Variants in CUBN observed in about 807,000 individuals in gnomAD.
The protein encoded by CUBN is cubilin, also known as 460 kDa receptor.
A neutral mutation model predicts 405.3 loss-of-function variants in CUBN; 282 were observed. That is an observed-to-expected ratio of 0.70 (90% CI 0.63 to 0.77). CUBN has a LOEUF of 0.77. CUBN is among the 30% of genes least tolerant of loss of function. The pLI is 0.00. For synonymous variants in CUBN, 1,684 were observed against 1,617.0 expected, an observed-to-expected ratio of 1.04 and a Z score of -0.99; for missense variants, 4,514 against 4,475.2, an observed-to-expected ratio of 1.01 and a Z score of -0.25.
chr10:16,863,616 T>A (rs1840080128), intron 59 of CUBN, among the ~76,000 whole-genome samples: 1 of 152,200 alleles, frequency 6.6e-6, no homozygotes, highest in African/African-American at 2.4e-5. Flanking sequence ...TGTTTAGCTA[T>A]TTTAGAATGC....
At chr10:16,886,275 A>G (rs879835207) in intron 56 of CUBN, among the ~76,000 whole-genome samples, 1 of 152,254 alleles carries the variant, frequency 6.6e-6, no homozygotes, top group Non-Finnish European at 1.5e-5. Context: ...AAGCTTTGTT[A>G]AATTTATCCA....
intron 17 of CUBN, among the ~76,000 whole-genome samples, chr10:17,073,444 C>CTT (rs11349387): frequency 0.02 from 2,185 of 109,730 alleles, 76 homozygotes; most frequent in Non-Finnish European, 0.03. Context: ...ATAACCAGCT[C>CTT]TTTTTTTTTT....
At chr10:17,013,196 T>C (rs1834230463) in intron 28 of CUBN, among the ~76,000 whole-genome samples, 1 of 152,184 alleles carries the variant, frequency 6.6e-6, no homozygotes, top group Admixed American at 6.5e-5. Context: ...CCTTTGTCTC[T>C]TCCTCTCTTT....
chr10:16,922,063 T>C (rs979596171), intron 43 of CUBN, among the ~76,000 whole-genome samples: 1 of 152,138 alleles, frequency 6.6e-6, no homozygotes, highest in African/African-American at 2.4e-5. Context: ...CCTTTCACCA[T>C]ATGGCATATT....
intron 8 of CUBN, among the ~76,000 whole-genome samples, 181 bp downstream of exon 8, chr10:17,113,846 C>T (rs1024136844): frequency 2.0e-5 from 3 of 152,206 alleles, no homozygotes; most frequent in Non-Finnish European, 2.9e-5. Flanking sequence ...TTTGGACAAG[C>T]CTCCCCCTTT....
chr10:16,895,382 C>CAT (rs766807427), intron 54 of CUBN, among the ~76,000 whole-genome samples: 2 of 149,272 alleles, frequency 1.3e-5, no homozygotes, highest in Admixed American at 6.6e-5. Context: ...CACACACACA[C>CAT]ATATATATGT....
At chr10:16,847,246 A>T (rs1383146840) in intron 60 of CUBN, among the ~76,000 whole-genome samples, 1 of 152,210 alleles carries the variant, frequency 6.6e-6, no homozygotes, top group African/African-American at 2.4e-5. Context: ...AGGTCAGGAC[A>T]TCGAGACCAT....
At chr10:16,922,449 C>A (rs2131472451) in intron 43 of CUBN, among the ~76,000 whole-genome samples, 1 of 152,250 alleles carries the variant, frequency 6.6e-6, no homozygotes, top group South Asian at 2.1e-4. Context: ...TCCCCATCTC[C>A]AATGTTTTCA....
rs183094564 is a variant in CUBN at position 16,881,778 on chromosome 10, C to T, written c.8906-4681G>A. On this transcript the variant is annotated intron_variant, in intron 56 of 66. Coordinates refer to ENST00000377833, the MANE Select transcript of CUBN (RefSeq NM_001081.4). ...AGAAGCTGGTAAAATTAGCTAAAGT[C>T]TAAGAAAATATAAAAAATTAACATC... 4.0e-3 allele frequency among the ~76,000 whole-genome samples: 605 copies of T among 151,972 alleles called. 4 individuals are homozygous for T. Among genetic ancestry groups the T allele is most frequent in the Middle Eastern group, 6.8e-3 (2 of 292 alleles).
At position 16,824,101 on chromosome 10, in the gene CUBN, G is replaced by A. The variant is rs1838702735; in HGVS notation, c.*874C>T. On this transcript the variant is annotated 3_prime_UTR_variant, in exon 67 of 67. Coordinates refer to ENST00000377833, the MANE Select transcript of CUBN (RefSeq NM_001081.4). ...GTCTCAGTCTGTCACCCAGGCTGGA[G>A]TACAGTGGTTAATTCACAGGGTTTC... 1 of 152,180 alleles carries A rather than the reference G, an allele frequency of 6.6e-6. No individual in the cohort carries two copies. The highest frequency in any genetic ancestry group is 2.4e-5 in the African/African-American group (1 of 41,432). 9.4% of individuals were successfully genotyped at this position (152,180 alleles called of 1,614,324 possible). A position where few individuals can be genotyped will look rare whatever the true frequency, so the allele number is the denominator to read the frequency against.
intron 27 of CUBN, among the ~76,000 whole-genome samples, chr10:17,033,039 C>T (rs1588599032): frequency 6.6e-6 from 1 of 151,668 alleles, no homozygotes; most frequent in African/African-American, 2.4e-5. Context: ...ACTGGGTCTC[C>T]ACCGTTACTC....
intron 59 of CUBN, among the ~76,000 whole-genome samples, chr10:16,855,599 A>G (rs74529216): frequency 0.011 from 1,689 of 152,332 alleles, 30 homozygotes; most frequent in African/African-American, 0.038. Context: ...CCGTGGACCC[A>G]TAAGTGATAA....
chr10:17,066,940 T>C (rs996912840), intron 21 of CUBN, among the ~76,000 whole-genome samples: 1 of 152,094 alleles, frequency 6.6e-6, no homozygotes, highest in East Asian at 1.9e-4. Flanking sequence ...TCAAGCAATG[T>C]AGGACAACAA....
intron 60 of CUBN, among the ~76,000 whole-genome samples, chr10:16,848,804 G>A (rs1409631120): frequency 6.8e-6 from 1 of 146,816 alleles, no homozygotes; most frequent in African/African-American, 2.5e-5. Context: ...TGGGTTCAGG[G>A]GATCCTTCCA....
intron 15 of CUBN, 150 bp downstream of exon 15, chr10:17,088,013 GA>G: frequency 1.7e-6 from 1 of 592,028 alleles, no homozygotes; most frequent in South Asian, 2.1e-5. Context: ...GTTAAAAATA[GA>G]GACTTTGCAA....
chr10:16,943,036 T>G (rs1459814224), intron 36 of CUBN, among the ~76,000 whole-genome samples: 3 of 152,220 alleles, frequency 2.0e-5, no homozygotes. Flanking sequence ...TCTCAGCTAA[T>G]GGAGGAGAAT....
At chr10:17,115,659 A>G in intron 6 of CUBN, 62 bp from the exon 7 acceptor site, 1 of 1,558,006 alleles carries the variant, frequency 6.4e-7, no homozygotes, top group South Asian at 1.1e-5. Flanking sequence ...CCTGTCTCTT[A>G]ATATCAATGA....
chr10:17,022,838 A>G (rs1834534267), intron 27 of CUBN, among the ~76,000 whole-genome samples: 1 of 152,214 alleles, frequency 6.6e-6, no homozygotes, highest in Non-Finnish European at 1.5e-5. Context: ...TAATTTAGTG[A>G]CCAAAGCATA....
chr10:16,992,253 AG>A (rs1162952774), intron 28 of CUBN, among the ~76,000 whole-genome samples: 1 of 143,474 alleles, frequency 7.0e-6, no homozygotes, highest in Non-Finnish European at 1.5e-5. Context: ...GGGTGGGGGA[AG>A]GGGGGAGGGA....
Sources: allele counts gnomAD v4.1 joint callset (sites outside exome capture counted in the v4.1 genomes callset), GRCh38; gene constraint gnomAD v4.1.1; transcripts MANE v1.5; gene names NCBI Gene and HGNC (gene_info 2026-07-23, HGNC 2026-07-21).